The following CDKAL1 variants were observed in gnomAD, a reference collection of about 807,000 sequenced individuals.
CDKAL1 encodes the protein CDKAL1 threonylcarbamoyladenosine tRNA methylthiotransferase.
Under a neutral mutation model 68.2 loss-of-function variants are expected in CDKAL1, and 32 were observed. The ratio of observed to expected loss-of-function variants is 0.47; its 90% CI spans 0.35 to 0.63. CDKAL1 has a LOEUF of 0.63. Ranked by LOEUF, CDKAL1 falls within the 30% of genes least tolerant of loss-of-function variation. The pLI is 0.00. For synonymous variants in CDKAL1, 234 were observed against 244.3 expected, an observed-to-expected ratio of 0.96 and a Z score of 0.39; for missense variants, 606 against 696.7, an observed-to-expected ratio of 0.87 and a Z score of 1.47.
chr6:20,623,199 T>C (rs1178383155), intron 4 of CDKAL1, among the ~76,000 whole-genome samples: 2 of 152,118 alleles, frequency 1.3e-5, no homozygotes, highest in African/African-American at 4.8e-5. Context: ...CCATTCATTT[T>C]TTTAGTAACA....
chr6:20,650,908 T>C (rs2127761930), intron 5 of CDKAL1, among the ~76,000 whole-genome samples: 1 of 152,322 alleles, frequency 6.6e-6, no homozygotes, highest in African/African-American at 2.4e-5. Context: ...GTTTCCTTGG[T>C]CTATGTATCT....
intron 12 of CDKAL1, among the ~76,000 whole-genome samples, chr6:21,087,867 C>T (rs1286062428): frequency 2.0e-5 from 3 of 152,044 alleles, no homozygotes; most frequent in African/African-American, 7.2e-5. Context: ...GATGATTCTC[C>T]GAAGTTACAC....
chr6:20,560,360 C>T (rs1450861177), intron 4 of CDKAL1, among the ~76,000 whole-genome samples: 2 of 152,130 alleles, frequency 1.3e-5, no homozygotes, highest in Non-Finnish European at 2.9e-5. Flanking sequence ...TACCCGTCTG[C>T]AATATGTGTG....
intron 8 of CDKAL1, among the ~76,000 whole-genome samples, chr6:20,815,860 T>G (rs906312029): frequency 1.3e-5 from 2 of 152,190 alleles, no homozygotes; most frequent in African/African-American, 4.8e-5. Context: ...TGTATTGATT[T>G]CCTGGGGCTG....
intron 12 of CDKAL1, among the ~76,000 whole-genome samples, chr6:21,101,601 C>T (rs892492560): frequency 2.0e-5 from 3 of 152,174 alleles, no homozygotes; most frequent in African/African-American, 7.2e-5. Flanking sequence ...CTTTAAATTA[C>T]ACCAATATGC....
intron 13 of CDKAL1, among the ~76,000 whole-genome samples, chr6:21,150,060 T>TG (rs1776342002): frequency 6.6e-6 from 1 of 151,760 alleles, no homozygotes. Flanking sequence ...GGTTTCACCA[T>TG]TGTTAGCCAG....
chr6:21,061,182 C>G (rs1363892299), intron 11 of CDKAL1, among the ~76,000 whole-genome samples: 1 of 152,130 alleles, frequency 6.6e-6, no homozygotes, highest in Non-Finnish European at 1.5e-5. Flanking sequence ...CCTGATATAT[C>G]TTTACAAGTA....
At chr6:20,771,010 A>G (rs116513136) in intron 7 of CDKAL1, among the ~76,000 whole-genome samples, 1,709 of 152,118 alleles carry the variant, frequency 0.011, 32 homozygotes, top group African/African-American at 0.038. Flanking sequence ...ACATCCTTCC[A>G]CTTATTTGTT....
At chr6:21,075,933 G>C (rs914206275) in intron 12 of CDKAL1, among the ~76,000 whole-genome samples, 3 of 152,008 alleles carry the variant, frequency 2.0e-5, no homozygotes, top group Admixed American at 1.3e-4. Flanking sequence ...GGCAAGAGTG[G>C]CTGTTAGAAT....
intron 12 of CDKAL1, among the ~76,000 whole-genome samples, chr6:21,100,003 AT>A (rs1773504609): frequency 1.3e-5 from 2 of 152,188 alleles, no homozygotes; most frequent in African/African-American, 2.4e-5. Context: ...GGCAACCTAC[AT>A]TTTATCACAC....
At chr6:20,650,396 A>G (rs182133510) in intron 5 of CDKAL1, among the ~76,000 whole-genome samples, 308 of 151,904 alleles carry the variant, frequency 2.0e-3, no homozygotes, top group Admixed American at 3.9e-3. Flanking sequence ...CCACTTTTTA[A>G]TGGGGTTGTT....
intron 4 of CDKAL1, among the ~76,000 whole-genome samples, chr6:20,632,897 G>C (rs948544557): frequency 6.6e-6 from 1 of 152,084 alleles, no homozygotes; most frequent in South Asian, 2.1e-4. Flanking sequence ...AAAGCTTCCT[G>C]GGGGAGGTGA....
intron 8 of CDKAL1, among the ~76,000 whole-genome samples, chr6:20,804,198 T>G (rs1354046322): frequency 2.6e-5 from 4 of 152,208 alleles, no homozygotes; most frequent in Admixed American, 1.3e-4. Context: ...AAAAATGACT[T>G]AATTGAGTGC....
chr6:21,030,728 T>C (rs1769237716), intron 11 of CDKAL1, among the ~76,000 whole-genome samples: 1 of 152,176 alleles, frequency 6.6e-6, no homozygotes, highest in African/African-American at 2.4e-5. Context: ...TTTGTATTTC[T>C]TTATTTTGCA....
At chr6:20,566,985 A>G (rs1228738835) in intron 4 of CDKAL1, among the ~76,000 whole-genome samples, 1 of 152,100 alleles carries the variant, frequency 6.6e-6, no homozygotes, top group Non-Finnish European at 1.5e-5. Flanking sequence ...TGTTCTTTCT[A>G]CAGAGAATAT....
At chr6:20,886,392 T>C (rs1761069542) in intron 9 of CDKAL1, among the ~76,000 whole-genome samples, 1 of 152,180 alleles carries the variant, frequency 6.6e-6, no homozygotes, top group Non-Finnish European at 1.5e-5. Context: ...CCTAGGTATA[T>C]GCTCCAAAGA....
At chr6:20,810,064 A>G (rs1056663489) in intron 8 of CDKAL1, among the ~76,000 whole-genome samples, 12 of 152,130 alleles carry the variant, frequency 7.9e-5, no homozygotes, top group African/African-American at 2.9e-4. Context: ...TGATCCTTCA[A>G]TTGTGTCCTA....
Position 20,733,051 on chromosome 6 carries a change from C to T in CDKAL1, c.372-6468C>T, listed in dbSNP as rs1017821139. Among the ~76,000 whole-genome samples the T allele has an allele frequency of 2.6e-5, 4 of 152,188 alleles. No homozygotes were observed. In the East Asian group the frequency reaches 7.7e-4, roughly 29 times the overall value. On this transcript the variant is annotated intron_variant, in intron 5 of 15. Coordinates refer to ENST00000274695, the MANE Select transcript of CDKAL1 (RefSeq NM_017774.3). ...GTAGGCTGGGGAGGACTCTTAGTCT[C>T]AGCTGCCCAGCCGCCCCAGTGCCCC...
chr6:20,891,774 C>T (rs1345703864), intron 9 of CDKAL1, among the ~76,000 whole-genome samples: 1 of 152,132 alleles, frequency 6.6e-6, no homozygotes, highest in Non-Finnish European at 1.5e-5. Context: ...ACCTCGTGAT[C>T]CACCCGCCTT....
Sources: gnomAD v4.1 joint callset for allele counts (sites outside exome capture counted in the v4.1 genomes callset) on GRCh38, gnomAD v4.1.1 for gene constraint, MANE v1.5 for transcripts, NCBI Gene and HGNC (gene_info 2026-07-23, HGNC 2026-07-21) for gene names.